Variants in SEM1 observed in about 807,000 individuals in gnomAD.
SEM1 encodes 26S proteasome complex subunit SEM1.
A neutral mutation model predicts 12.7 loss-of-function variants in SEM1; 3 were observed. The ratio of observed to expected loss-of-function variants is 0.24; its 90% confidence interval spans 0.11 to 0.61. The LOEUF (loss-of-function observed/expected upper bound fraction) is 0.61, where lower values mean the gene tolerates loss of function less well. SEM1 is among the 20% of genes least tolerant of loss of function. The pLI is 0.88. For synonymous variants in SEM1, 30 were observed against 27.8 expected (o/e 1.08, Z -0.25); for missense variants, 59 against 81.3 (o/e 0.73, Z 1.06).
At chr7:96,573,704 T>C (rs1399658810) in intron 2 of SEM1, among the ~76,000 whole-genome samples, 1 of 152,162 alleles carries the variant, frequency 6.6e-6, no homozygotes, top group Non-Finnish European at 1.5e-5. Context: ...TAACATTTTT[T>C]CCTTCGTTTC....
chr7:96,558,847 G>T (rs769387945), intron 2 of SEM1, among the ~76,000 whole-genome samples: 1 of 152,144 alleles, frequency 6.6e-6, no homozygotes, highest in Non-Finnish European at 1.5e-5. Context: ...ATTTATTAAA[G>T]AATAAAAAAG....
At chr7:96,661,063 C>T (rs1788986745) in intron 2 of SEM1, among the ~76,000 whole-genome samples, 1 of 152,098 alleles carries the variant, frequency 6.6e-6, no homozygotes, top group Non-Finnish European at 1.5e-5. Context: ...TATTAATTTA[C>T]TATTTATAGT....
intron 2 of SEM1, among the ~76,000 whole-genome samples, chr7:96,550,164 A>G (rs538354383): frequency 1.3e-5 from 2 of 152,298 alleles, no homozygotes; most frequent in East Asian, 1.9e-4. Flanking sequence ...CGTTTAGTAC[A>G]ACTGTTCTAT....
chr7:96,486,295 G>GA lies in SEM1; in HGVS notation c.134dup (p.His46ProfsTer2). The GA allele has an allele frequency of 6.5e-7, 1 of 1,537,074 alleles. No homozygotes were observed. The highest frequency in any genetic ancestry group is 2.4e-5 in the East Asian group (1 of 40,900). ...CAAAGGCCGGATGCTTACTCTCATG[G>GA]ATCCAGGGTCCTCTGGCCCGCTGAG... On this transcript the variant is annotated frameshift_variant, in exon 2 of 4. Transcript: ENST00000356686. LOFTEE classifies it high-confidence loss of function.
intron 1 of SEM1, among the ~76,000 whole-genome samples, chr7:96,491,066 C>T (rs911323417): frequency 4.6e-5 from 7 of 152,150 alleles, no homozygotes; most frequent in Non-Finnish European, 5.9e-5. Flanking sequence ...TCATGTATCT[C>T]GCTTTGCATT....
chr7:96,581,857 T>G (rs1197650380), intron 2 of SEM1, among the ~76,000 whole-genome samples: 1 of 152,066 alleles, frequency 6.6e-6, no homozygotes, highest in Non-Finnish European at 1.5e-5. Context: ...CTTATCAGCT[T>G]AAGGAGATTT....
chr7:96,648,945 C>A (rs1808884711), intron 2 of SEM1, among the ~76,000 whole-genome samples: 1 of 152,176 alleles, frequency 6.6e-6, no homozygotes, highest in Non-Finnish European at 1.5e-5. Context: ...CTGCCTGGAT[C>A]AGTCACTGGA....
chr7:96,677,285 G>A (rs1311827259), intron 2 of SEM1, among the ~76,000 whole-genome samples: 1 of 152,132 alleles, frequency 6.6e-6, no homozygotes, highest in Admixed American at 6.6e-5. Context: ...CAGGTCTCCC[G>A]ACATCAAGCT....
chr7:96,697,865 TA>T (rs904196856), intron 1 of SEM1, among the ~76,000 whole-genome samples: 17 of 152,266 alleles, frequency 1.1e-4, no homozygotes, highest in Non-Finnish European at 2.2e-4. Flanking sequence ...TGAAACAAAT[TA>T]TTTTTTTTGA....
intron 2 of SEM1, among the ~76,000 whole-genome samples, chr7:96,515,342 A>G (rs796508118): frequency 6.6e-6 from 1 of 152,184 alleles, no homozygotes; most frequent in Admixed American, 6.5e-5. Flanking sequence ...TCTCACGCCA[A>G]TTAGAATGAT....
At chr7:96,580,346 C>T (rs1342403197) in intron 2 of SEM1, among the ~76,000 whole-genome samples, 48 of 149,278 alleles carry the variant, frequency 3.2e-4, no homozygotes, top group Admixed American at 2.2e-3. Flanking sequence ...ATATGTGCCA[C>T]ATTTTCTTAA....
intron 2 of SEM1, among the ~76,000 whole-genome samples, chr7:96,586,003 G>A (rs1447767914): frequency 6.6e-6 from 1 of 152,130 alleles, no homozygotes; most frequent in Non-Finnish European, 1.5e-5. Flanking sequence ...AATTATTTCA[G>A]TTTTAAAAAA....
intron 1 of SEM1, among the ~76,000 whole-genome samples, chr7:96,490,087 G>T (rs1421261508): frequency 6.6e-6 from 1 of 151,880 alleles, no homozygotes; most frequent in Non-Finnish European, 1.5e-5. Flanking sequence ...GTGTCCAACT[G>T]CCTTGGAGAG....
intron 2 of SEM1, among the ~76,000 whole-genome samples, chr7:96,580,090 G>C (rs2116047014): frequency 1.4e-5 from 2 of 147,632 alleles, no homozygotes; most frequent in East Asian, 2.0e-4. Context: ...TCTAGCATTA[G>C]GTATATCTCC....
intron 3 of SEM1, among the ~76,000 whole-genome samples, chr7:96,504,334 G>A (rs892832169): frequency 6.6e-6 from 1 of 152,134 alleles, no homozygotes; most frequent in Non-Finnish European, 1.5e-5. Flanking sequence ...CCTAAGCAAA[G>A]CTTGGTGTCT....
chr7:96,643,541 A>C (rs1808684551), intron 2 of SEM1, among the ~76,000 whole-genome samples: 1 of 152,054 alleles, frequency 6.6e-6, no homozygotes, highest in Non-Finnish European at 1.5e-5. Flanking sequence ...AATAGAAAAG[A>C]CTTGGAACCA....
chr7:96,533,523 T>G (rs1804702647), intron 2 of SEM1, among the ~76,000 whole-genome samples: 1 of 152,052 alleles, frequency 6.6e-6, no homozygotes, highest in Non-Finnish European at 1.5e-5. Flanking sequence ...TTTTCTTAGC[T>G]TCTCCATTCT....
downstream of SEM1, among the ~76,000 whole-genome samples, chr7:96,619,823 C>G (rs553184337): frequency 1.3e-5 from 2 of 152,184 alleles, no homozygotes; most frequent in Non-Finnish European, 2.9e-5. Context: ...AGATTGCTCT[C>G]CCATGTTCTT....
intron 3 of SEM1, among the ~76,000 whole-genome samples, chr7:96,502,859 G>A (rs1365750369): frequency 6.6e-6 from 1 of 152,214 alleles, no homozygotes; most frequent in Non-Finnish European, 1.5e-5. Flanking sequence ...ATGTGGACAA[G>A]TTATGCAACT....
Sources: allele counts gnomAD v4.1 joint callset (sites outside exome capture counted in the v4.1 genomes callset), GRCh38; gene constraint gnomAD v4.1.1; transcripts MANE v1.5; gene names NCBI Gene and HGNC (gene_info 2026-07-23, HGNC 2026-07-21).